DMTF1: variants seen among roughly 807,000 people sequenced by gnomAD.
DMTF1 encodes cyclin-D-binding Myb-like transcription factor 1.
In DMTF1, 39 loss-of-function variants were observed where a neutral mutation model predicts 91.1. The ratio of observed to expected loss-of-function variants is 0.43; its 90% CI spans 0.33 to 0.56. The LOEUF is 0.56. Ranked by LOEUF, DMTF1 falls within the 20% of genes least tolerant of loss-of-function variation. DMTF1 has a pLI of 0.05. For synonymous variants in DMTF1, 338 were observed against 309.5 expected (o/e 1.09, Z -0.97); for missense variants, 750 against 914.5 (o/e 0.82, Z 2.32).
In DMTF1 at chr7:87,188,287, A is replaced by G; in HGVS notation, c.1397A>G (p.Gln466Arg). The part of the protein sequence containing the change: ...SPMAALQIPV[Q>R]ITHVSSADSP... Reference sequence around the variant, plus strand: ...ATGGCAGCATTGCAGATTCCAGTCCAGATCACCCATGTTTGTAAGTGTTTG... The same window carrying G: ...ATGGCAGCATTGCAGATTCCAGTCCGGATCACCCATGTTTGTAAGTGTTTG... Residue 466 changes from glutamine (Q) to arginine (R), a missense_variant, in exon 13 of 18, where the codon CAG becomes CGG. Gln to Arg is a conservative substitution (Grantham distance 43). Around this residue, in one of 3 missense-constraint regions of DMTF1, gnomAD observed 410 missense variants for 420.2 expected, o/e 0.98. Transcript: ENST00000331242. The G allele has an allele frequency of 1.2e-6, 2 of 1,613,848 alleles. No homozygotes were observed. Among genetic ancestry groups the G allele is most frequent in the Non-Finnish European group, 1.7e-6 (2 of 1,179,802 alleles).
chr7:87,190,839 A>G (rs1204662699), intron 13 of DMTF1, 106 bp from the exon 14 acceptor site: 1 of 820,992 alleles, frequency 1.2e-6, no homozygotes, highest in African/African-American at 1.8e-5. Flanking sequence ...CAAATTATTC[A>G]ATATTAAATT....
intron 14 of DMTF1, among the ~76,000 whole-genome samples, chr7:87,191,602 T>C (rs1402576747): frequency 6.6e-6 from 1 of 152,134 alleles, no homozygotes; most frequent in East Asian, 1.9e-4. Flanking sequence ...CAAATATTAC[T>C]CAGCAATGAA....
At chr7:87,175,572 C>T (rs1796096073) in intron 7 of DMTF1, among the ~76,000 whole-genome samples, 1 of 152,062 alleles carries the variant, frequency 6.6e-6, no homozygotes, top group South Asian at 2.1e-4. Flanking sequence ...TGTTAGAAAG[C>T]CTGGTATCAT....
intron 5 of DMTF1, 85 bp downstream of exon 5, chr7:87,171,174 C>T (rs1794985661): frequency 2.2e-6 from 2 of 928,470 alleles, no homozygotes; most frequent in Non-Finnish European, 3.3e-6. Flanking sequence ...CCTCAGCCTC[C>T]CAAGTAGCGA....
chr7:87,182,152 G>A, intron 9 of DMTF1, 76 bp from the exon 10 acceptor site: 1 of 1,601,144 alleles, frequency 6.2e-7, no homozygotes, highest in Non-Finnish European at 8.5e-7. Flanking sequence ...GGAAGAAGAA[G>A]AATGAAGAAT....
At chr7:87,154,566 G>A (rs1300606565) in intron 1 of DMTF1, 1 of 152,560 alleles carries the variant, frequency 6.6e-6, no homozygotes, top group African/African-American at 2.4e-5. Flanking sequence ...AGAACTTTAA[G>A]TTCATACGTT....
chr7:87,195,049 A>G lies in DMTF1; in HGVS notation c.2192A>G (p.His731Arg). 6.2e-7 allele frequency: 1 copy of G among 1,611,904 alleles called. No homozygotes were observed. Among genetic ancestry groups the G allele is most frequent in the Non-Finnish European group, 8.5e-7 (1 of 1,178,602 alleles). Residue 731 changes from histidine (H) to arginine (R), a missense_variant, in exon 18 of 18, where the codon CAT becomes CGT. His to Arg is a conservative substitution (Grantham distance 29). This residue lies in a region of DMTF1 where 410 missense variants were observed against 420.2 expected (regional missense o/e 0.98). Coordinates refer to ENST00000331242, the MANE Select transcript of DMTF1 (RefSeq NM_001142327.2). ...TTLTDPILQH[H>R]QEESNIIGSS... ...ATTACAGATCCCATACTCCAACATC[A>G]TCAGGAAGAATCAAATATCATTGGA...
At chr7:87,166,667 G>A in intron 4 of DMTF1, 62 bp downstream of exon 4, 1 of 1,536,958 alleles carries the variant, frequency 6.5e-7, no homozygotes, top group Admixed American at 1.8e-5. Flanking sequence ...TAGCTTCCAA[G>A]GCTTTCAGTT....
intron 14 of DMTF1, among the ~76,000 whole-genome samples, chr7:87,191,961 C>A (rs1799913074): frequency 6.6e-6 from 1 of 152,108 alleles, no homozygotes; most frequent in Non-Finnish European, 1.5e-5. Context: ...AGAGGATGGC[C>A]ACCTTTGGAA....
chr7:87,171,298 C>T (rs1367998858), intron 5 of DMTF1, among the ~76,000 whole-genome samples: 1 of 152,076 alleles, frequency 6.6e-6, no homozygotes, highest in East Asian at 1.9e-4. Flanking sequence ...AATATTTAGC[C>T]TCTTGGTTTG....
chr7:87,165,591 T>G (rs1164331694), intron 3 of DMTF1, among the ~76,000 whole-genome samples: 12 of 152,234 alleles, frequency 7.9e-5, no homozygotes, highest in Admixed American at 7.9e-4. Context: ...ATAGGTTATT[T>G]AATTCAAAGT....
intron 4 of DMTF1, among the ~76,000 whole-genome samples, chr7:87,167,793 G>A (rs1275450870): frequency 6.6e-6 from 1 of 151,950 alleles, no homozygotes; most frequent in Admixed American, 6.6e-5. Context: ...TTCCTAATTT[G>A]ACTATCATTA....
chr7:87,162,331 G>A (rs1026261432), intron 1 of DMTF1, among the ~76,000 whole-genome samples: 1 of 152,134 alleles, frequency 6.6e-6, no homozygotes, highest in Non-Finnish European at 1.5e-5. Context: ...AAAGTGCTGG[G>A]ATTATAAGGG....
intron 7 of DMTF1, 144 bp downstream of exon 7, chr7:87,174,813 T>A (rs1795888007): frequency 2.0e-6 from 1 of 512,650 alleles, no homozygotes; most frequent in Non-Finnish European, 3.5e-6. Context: ...TGTAGCTGAA[T>A]AATTCTAAAA....
intron 16 of DMTF1, 60 bp downstream of exon 16, chr7:87,194,162 T>G (rs748878286): frequency 1.3e-6 from 2 of 1,496,158 alleles, no homozygotes; most frequent in African/African-American, 2.8e-5. Flanking sequence ...AACCTGCAGT[T>G]TGGGAAACTT....
At position 87,176,403 on chromosome 7, in the gene DMTF1, A is replaced by C. The variant is rs568723992; in HGVS notation, c.519+1734A>C. On this transcript the variant is annotated intron_variant, in intron 7 of 17. Coordinates refer to ENST00000331242, the MANE Select transcript of DMTF1 (RefSeq NM_001142327.2). ...AAAGCAGTAATCAGTGCTAAGGAACACTGAACTTTGAGAATTAAGCTGGTT... is the reference window on the plus strand; with the variant it reads ...AAAGCAGTAATCAGTGCTAAGGAACCCTGAACTTTGAGAATTAAGCTGGTT... Among the ~76,000 whole-genome samples the C allele has an allele frequency of 3.0e-4, 45 of 152,366 alleles. 2 individuals are homozygous for C. The South Asian group carries it at 8.7e-3, about 29-fold the overall frequency.
At chr7:87,167,189 G>C (rs1422011149) in intron 4 of DMTF1, among the ~76,000 whole-genome samples, 3 of 152,174 alleles carry the variant, frequency 2.0e-5, no homozygotes, top group African/African-American at 7.2e-5. Flanking sequence ...TCAGTATGCT[G>C]TATGACAGCA....
chr7:87,178,226 G>A (rs1211754334), intron 7 of DMTF1, among the ~76,000 whole-genome samples: 1 of 152,024 alleles, frequency 6.6e-6, no homozygotes, highest in African/African-American at 2.4e-5. Context: ...GACGCTGTGT[G>A]GGAGCTTTTT....
At chr7:87,170,662 C>T (rs769053198) in intron 4 of DMTF1, among the ~76,000 whole-genome samples, 1 of 152,200 alleles carries the variant, frequency 6.6e-6, no homozygotes, top group East Asian at 1.9e-4. Flanking sequence ...CCAACACATT[C>T]CCTTTCCTGT....
Sources: gnomAD v4.1 joint callset for allele counts (sites outside exome capture counted in the v4.1 genomes callset) on GRCh38, gnomAD v4.1.1 for gene constraint, gnomAD v4.1.1 regional missense constraint, MANE v1.5 for transcripts, NCBI Gene and HGNC (gene_info 2026-07-23, HGNC 2026-07-21) for gene names.